Variants in DNMBP observed in about 807,000 individuals in gnomAD.
DNMBP encodes dynamin binding protein, also known as dynamin-binding protein.
In DNMBP, 87 loss-of-function variants were observed where a neutral mutation model predicts 150.0. The observed-to-expected ratio is 0.58, with a 90% CI of 0.49 to 0.69. DNMBP has a LOEUF of 0.69. Ranked by LOEUF, DNMBP falls within the 30% of genes least tolerant of loss-of-function variation. The pLI is 0.00. For synonymous variants in DNMBP, 711 were observed against 750.4 expected, an observed-to-expected ratio of 0.95 and a Z score of 0.86; for missense variants, 1,774 against 1,949.0, an observed-to-expected ratio of 0.91 and a Z score of 1.69.
At position 99,886,673 on chromosome 10, in the gene DNMBP, TC is replaced by T. The variant is rs571539373; in HGVS notation, c.3286-42del. 3.9e-4 allele frequency: 610 copies of T among 1,568,166 alleles called. 1 individual carries two copies. In the African/African-American group the frequency reaches 7.1e-3, roughly 18 times the overall value. ...AGGCACATTGCTCAGCTGGACAGCA[TC>T]CCACATTTGTGATTATCCAAGTCAC... On this transcript the variant is annotated intron_variant, in intron 12 of 16. Transcript: ENST00000324109.
intron 4 of DNMBP, among the ~76,000 whole-genome samples, chr10:99,921,350 C>A (rs2040020839): frequency 6.6e-6 from 1 of 152,146 alleles, no homozygotes; most frequent in Non-Finnish European, 1.5e-5. Flanking sequence ...CAGGTAATAA[C>A]CCTTGCTATT....
intron 10 of DNMBP, among the ~76,000 whole-genome samples, chr10:99,895,717 G>A (rs1453647057): frequency 1.3e-5 from 2 of 152,138 alleles, no homozygotes; most frequent in East Asian, 3.9e-4. Context: ...TAAGGCTCAG[G>A]TCAACATGAC....
chr10:99,969,990 C>A (rs1296708200), intron 2 of DNMBP, among the ~76,000 whole-genome samples: 1 of 152,204 alleles, frequency 6.6e-6, no homozygotes, highest in African/African-American at 2.4e-5. Context: ...TCACTCCTTA[C>A]CATGGCATAC....
chr10:99,898,664 A>T, intron 8 of DNMBP, 79 bp downstream of exon 8: 1 of 1,491,394 alleles, frequency 6.7e-7, no homozygotes, highest in East Asian at 2.3e-5. Flanking sequence ...TAAAGGAAGA[A>T]AATACAGTTG....
chr10:100,007,756 T>C (rs534482350), intron 1 of DNMBP, among the ~76,000 whole-genome samples: 8 of 152,260 alleles, frequency 5.3e-5, no homozygotes, highest in Non-Finnish European at 8.8e-5. Context: ...AAAGAGCTCA[T>C]TTTACTGCTG....
intron 4 of DNMBP, among the ~76,000 whole-genome samples, chr10:99,917,876 G>A (rs900927970): frequency 3.3e-5 from 5 of 151,300 alleles, no homozygotes; most frequent in Middle Eastern, 3.4e-3. Context: ...GGCTGAGGCA[G>A]GAGAATCCCT....
chr10:100,009,734 G>A (rs1167958103), intron 1 of DNMBP, 104 bp downstream of exon 1: 2 of 150,712 alleles, frequency 1.3e-5, no homozygotes, highest in Non-Finnish European at 3.0e-5. Flanking sequence ...GGCGCGGCGC[G>A]GCGCGTCTCT....
At chr10:99,971,243 A>T (rs2040673494) in intron 2 of DNMBP, among the ~76,000 whole-genome samples, 1 of 150,206 alleles carries the variant, frequency 6.7e-6, no homozygotes, top group African/African-American at 2.5e-5. Flanking sequence ...ATATGAATAC[A>T]GTAGGTAAAC....
chr10:99,883,944 T>C (rs2039410654), intron 15 of DNMBP, 67 bp downstream of exon 15: 2 of 1,486,970 alleles, frequency 1.3e-6, no homozygotes, highest in Admixed American at 3.7e-5. Flanking sequence ...CTAGTCCAGA[T>C]TCGGGTGCAG....
chr10:99,882,330 A>G (rs1468177082), intron 15 of DNMBP, among the ~76,000 whole-genome samples: 1 of 152,224 alleles, frequency 6.6e-6, no homozygotes, highest in Non-Finnish European at 1.5e-5. Flanking sequence ...GATAATGTAT[A>G]TTTCAAGATG....
At chr10:99,883,985 A>T (rs974248899) in intron 15 of DNMBP, 26 bp downstream of exon 15, 1 of 1,599,774 alleles carries the variant, frequency 6.3e-7, no homozygotes, top group East Asian at 2.2e-5. Context: ...TTCCAGTTAC[A>T]GTCCTCTGCT....
chr10:99,958,746 A>C (rs1173445420), intron 3 of DNMBP, among the ~76,000 whole-genome samples: 2 of 152,252 alleles, frequency 1.3e-5, no homozygotes, highest in African/African-American at 4.8e-5. Flanking sequence ...AGCTAATTGA[A>C]TCAATATTTC....
At chr10:99,937,058 G>A (rs1273400321) in intron 4 of DNMBP, among the ~76,000 whole-genome samples, 1 of 151,968 alleles carries the variant, frequency 6.6e-6, no homozygotes, top group Non-Finnish European at 1.5e-5. Flanking sequence ...CCGCCACCAC[G>A]CCCAGCTAAT....
Position 99,876,975 on chromosome 10 carries a change from T to A in DNMBP, c.*176A>T, listed in dbSNP as rs1443904910. On this transcript the variant is annotated 3_prime_UTR_variant, in exon 17 of 17. Transcript: ENST00000324109. Reference sequence around the variant, plus strand: ...CAAATTCTAGAGATTCTAGTGAGCATCAAGGTTTACAACCCAATCGAGGAG... The same window carrying A: ...CAAATTCTAGAGATTCTAGTGAGCAACAAGGTTTACAACCCAATCGAGGAG... 1 of 528,554 alleles carries A rather than the reference T, an allele frequency of 1.9e-6. No homozygotes were observed. The highest frequency in any genetic ancestry group is 3.3e-6 in the Non-Finnish European group (1 of 305,516). The allele number at this position is 528,554 out of a possible 1,614,324, so 32.7% of individuals were successfully genotyped here.
chr10:99,894,913 T>C (rs1466369589), intron 11 of DNMBP, 33 bp downstream of exon 11: 1 of 1,482,634 alleles, frequency 6.7e-7, no homozygotes, highest in South Asian at 1.1e-5. Flanking sequence ...TTACATCGTA[T>C]GTTAATCTAA....
intron 4 of DNMBP, among the ~76,000 whole-genome samples, chr10:99,942,628 G>A (rs1462024809): frequency 6.6e-6 from 1 of 152,196 alleles, no homozygotes; most frequent in Non-Finnish European, 1.5e-5. Context: ...GCCTCGAGCT[G>A]AGAGTGCGAA....
In DNMBP at chr10:99,956,430, C is replaced by T. The variant is rs1402875313; in HGVS notation, c.1044G>A (p.Glu348=). ...GTGCTTCAGAAATAATGCAGTCAGG[C>T]TCCTCGGCCTCATGGTCACTGGTTT... ...RHETSDHEAE[E]PDCIISEAPT... The change falls in exon 4 of 17, where the codon GAG becomes GAA. Residue 348 remains glutamate, a synonymous_variant. Transcript: ENST00000324109. 5.0e-6 allele frequency: 8 copies of T among 1,613,938 alleles called. No homozygotes were observed. The highest frequency in any genetic ancestry group is 3.3e-5 in the Admixed American group (2 of 59,980).
rs573058854 is a variant in DNMBP, at chr10:99,899,122, T to G, written c.2703-362A>C. ...CAGGGGATCGCTTGAACCCGGGAGG[T>G]GGAGGTTGCAGTGAGCTGAGAGCAC... is the stretch of plus-strand genomic sequence containing the variant. On this transcript the variant is annotated intron_variant, in intron 7 of 16. Coordinates refer to ENST00000324109, the MANE Select transcript of DNMBP (RefSeq NM_015221.4). 4.3e-4 allele frequency among the ~76,000 whole-genome samples: 65 copies of G among 149,820 alleles called. 2 individuals carry two copies. The highest frequency in any genetic ancestry group is 1.6e-3 in the African/African-American group (65 of 40,702).
intron 4 of DNMBP, chr10:99,913,897 G>C: frequency 7.8e-7 from 1 of 1,282,550 alleles, no homozygotes; most frequent in Non-Finnish European, 9.9e-7. Context: ...GAACAGGGAC[G>C]AAGAGGCTGC....
Sources: gnomAD v4.1 joint callset for allele counts (sites outside exome capture counted in the v4.1 genomes callset) on GRCh38, gnomAD v4.1.1 for gene constraint, MANE v1.5 for transcripts, NCBI Gene and HGNC (gene_info 2026-07-23, HGNC 2026-07-21) for gene names.